Variants in SORCS1 observed in about 807,000 individuals in gnomAD.
The protein encoded by SORCS1 is sortilin related VPS10 domain containing receptor 1.
SORCS1 carries 60 observed loss-of-function variants against 146.1 expected under a neutral mutation model. The ratio of observed to expected loss-of-function variants is 0.41; its 90% CI spans 0.33 to 0.51. SORCS1 has a LOEUF of 0.51. Ranked by LOEUF, SORCS1 falls within the 20% of genes least tolerant of loss-of-function variation. SORCS1 has a pLI of 0.21. For missense variants in SORCS1, 1,352 were observed against 1,487.6 expected (o/e 0.91, Z 1.50); for synonymous variants, 637 against 584.0 (o/e 1.09, Z -1.31).
chr10:106,684,581 A>G (rs1400865809), intron 10 of SORCS1, among the ~76,000 whole-genome samples: 1 of 152,190 alleles, frequency 6.6e-6, no homozygotes, highest in Non-Finnish European at 1.5e-5. Flanking sequence ...CCCTCCAGGC[A>G]ATCAGTCTAA....
chr10:107,115,819 G>C (rs908090944), intron 1 of SORCS1, among the ~76,000 whole-genome samples: 8 of 151,994 alleles, frequency 5.3e-5, no homozygotes, highest in African/African-American at 9.7e-5. Flanking sequence ...GCAGTCCATG[G>C]AATGAGAGAG....
intron 6 of SORCS1, among the ~76,000 whole-genome samples, chr10:106,723,689 C>G (rs553287871): frequency 6.6e-6 from 1 of 152,098 alleles, no homozygotes; most frequent in South Asian, 2.1e-4. Context: ...AACATCAGTG[C>G]CAACCATAGA....
chr10:106,681,870 G>A (rs967652772), intron 10 of SORCS1, among the ~76,000 whole-genome samples: 1 of 152,186 alleles, frequency 6.6e-6, no homozygotes, highest in East Asian at 1.9e-4. Flanking sequence ...GCTCACGCCT[G>A]TAATCCCAGC....
chr10:106,622,895 T>C (rs1847845259), intron 19 of SORCS1, among the ~76,000 whole-genome samples: 1 of 152,262 alleles, frequency 6.6e-6, no homozygotes, highest in Admixed American at 6.5e-5. Flanking sequence ...TCAAACAAAA[T>C]AGCTATTAAG....
At chr10:106,719,842 C>T (rs983650537) in intron 6 of SORCS1, among the ~76,000 whole-genome samples, 12 of 152,192 alleles carry the variant, frequency 7.9e-5, no homozygotes, top group Non-Finnish European at 1.3e-4. Context: ...ACAGATGACA[C>T]GTTTGCCCGC....
chr10:106,772,740 C>G (rs747699111), intron 4 of SORCS1, among the ~76,000 whole-genome samples: 5 of 152,066 alleles, frequency 3.3e-5, no homozygotes, highest in African/African-American at 7.2e-5. Context: ...CTATCTTGGA[C>G]CAGAAAGGAA....
chr10:106,861,613 C>T (rs1011390538), intron 2 of SORCS1, among the ~76,000 whole-genome samples: 6 of 152,160 alleles, frequency 3.9e-5, no homozygotes, highest in Admixed American at 1.3e-4. Context: ...CTCAATTGGC[C>T]GGGCGCAGTC....
chr10:106,718,511 C>T (rs575429427), intron 6 of SORCS1, among the ~76,000 whole-genome samples: 8 of 151,530 alleles, frequency 5.3e-5, no homozygotes, highest in South Asian at 2.1e-4. Flanking sequence ...GGAGTGAAGC[C>T]GCAAACCTTC....
At chr10:107,136,227 CAA>C (rs1050312977) in intron 1 of SORCS1, among the ~76,000 whole-genome samples, 8 of 152,082 alleles carry the variant, frequency 5.3e-5, no homozygotes, top group African/African-American at 1.9e-4. Flanking sequence ...CGTTTTTCAC[CAA>C]AGACTTTTCA....
intron 22 of SORCS1, among the ~76,000 whole-genome samples, chr10:106,609,831 C>T (rs1182388666): frequency 2.6e-5 from 4 of 152,128 alleles, no homozygotes; most frequent in Non-Finnish European, 4.4e-5. Flanking sequence ...AGAAATCAGC[C>T]TGGAAGGCTG....
At chr10:106,670,606 A>T (rs1280288300) in intron 16 of SORCS1, among the ~76,000 whole-genome samples, 1 of 152,046 alleles carries the variant, frequency 6.6e-6, no homozygotes, top group African/African-American at 2.4e-5. Context: ...GAAAGCTTTC[A>T]TCTTGAGCAT....
chr10:107,054,207 C>T (rs28562192), intron 1 of SORCS1, among the ~76,000 whole-genome samples: 3,433 of 152,184 alleles, frequency 0.023, 122 homozygotes, highest in African/African-American at 0.076. Flanking sequence ...TAAAAATATT[C>T]GCAACAGAGG....
intron 1 of SORCS1, among the ~76,000 whole-genome samples, chr10:107,083,181 C>G (rs1385845602): frequency 6.7e-6 from 1 of 148,270 alleles, no homozygotes; most frequent in Non-Finnish European, 1.5e-5. Context: ...TTATTATTAT[C>G]AAAGGAAAGG....
At chr10:107,036,969 G>C (rs1467460135) in intron 1 of SORCS1, among the ~76,000 whole-genome samples, 1 of 152,160 alleles carries the variant, frequency 6.6e-6, no homozygotes, top group Non-Finnish European at 1.5e-5. Context: ...AACCAGGCTG[G>C]GCGCGGTGGC....
intron 2 of SORCS1, among the ~76,000 whole-genome samples, chr10:106,901,887 C>G (rs1305288682): frequency 6.6e-6 from 1 of 151,812 alleles, no homozygotes. Context: ...ATTAAATATA[C>G]AAAAAAATTA....
chr10:107,108,410 C>A (rs1166013720), intron 1 of SORCS1, among the ~76,000 whole-genome samples: 3 of 152,180 alleles, frequency 2.0e-5, no homozygotes, highest in African/African-American at 7.2e-5. Context: ...AAAGGAGGAA[C>A]AGGCATATCA....
chr10:107,020,282 T>C (rs1050253130), intron 1 of SORCS1, among the ~76,000 whole-genome samples: 1 of 152,184 alleles, frequency 6.6e-6, no homozygotes, highest in African/African-American at 2.4e-5. Flanking sequence ...ATGTAGTAAA[T>C]AGACTGCAGT....
At chr10:107,092,141 A>G (rs185982595) in intron 1 of SORCS1, among the ~76,000 whole-genome samples, 114 of 152,370 alleles carry the variant, frequency 7.5e-4, no homozygotes, top group African/African-American at 2.7e-3. Context: ...ACATCCATAC[A>G]TCTGAAGTTC....
intron 23 of SORCS1, chr10:106,600,871 G>C (rs976529603): frequency 8.8e-6 from 2 of 226,336 alleles, no homozygotes; most frequent in Non-Finnish European, 1.5e-5. Flanking sequence ...AAGAGAGTTG[G>C]AGAGACGTCT....
Sources: gnomAD v4.1 joint callset for allele counts (sites outside exome capture counted in the v4.1 genomes callset) on GRCh38, gnomAD v4.1.1 for gene constraint, MANE v1.5 for transcripts, NCBI Gene and HGNC (gene_info 2026-07-23, HGNC 2026-07-21) for gene names.